Variants in GALNT13 observed in about 807,000 individuals in gnomAD.
The protein encoded by GALNT13 is UDP-GalNAc:polypeptide N-acetylgalactosaminyltransferase 13.
GALNT13 carries 28 observed loss-of-function variants against 64.2 expected under a neutral mutation model. That is an observed-to-expected ratio of 0.44 (90% CI 0.32 to 0.60). The LOEUF is 0.60. Ranked by LOEUF, GALNT13 falls within the 20% of genes least tolerant of loss-of-function variation. The pLI is 0.05. For missense variants in GALNT13, 577 were observed against 669.8 expected (o/e 0.86, Z 1.53); for synonymous variants, 214 against 224.6 (o/e 0.95, Z 0.42).
intron 3 of GALNT13, among the ~76,000 whole-genome samples, chr2:154,112,722 A>G (rs1703056370): frequency 1.3e-5 from 2 of 152,202 alleles, no homozygotes; most frequent in Non-Finnish European, 2.9e-5. Flanking sequence ...GGAATATCCT[A>G]GAAAGAGGCT....
chr2:153,448,960 C>T, the GALNT13 span, among the ~76,000 whole-genome samples: 1 of 152,118 alleles, frequency 6.6e-6, no homozygotes, highest in Non-Finnish European at 1.5e-5. Context: ...ATAAGAGACA[C>T]CAGAGAGCGC....
At chr2:153,300,303 G>A in the GALNT13 span, among the ~76,000 whole-genome samples, 2 of 152,198 alleles carry the variant, frequency 1.3e-5, no homozygotes, top group African/African-American at 2.4e-5. Context: ...CTCCTTTAGA[G>A]GGAGTGTTTT....
the GALNT13 span, among the ~76,000 whole-genome samples, chr2:153,256,717 G>A: frequency 2.6e-5 from 4 of 152,096 alleles, no homozygotes; most frequent in African/African-American, 9.7e-5. Context: ...GGCCGTGTGA[G>A]GTGTCAGTCT....
chr2:153,222,733 C>G, the GALNT13 span, among the ~76,000 whole-genome samples: 5 of 152,188 alleles, frequency 3.3e-5, no homozygotes, highest in African/African-American at 1.2e-4. Flanking sequence ...TCAGCGCTGC[C>G]CGGAACTTGC....
At chr2:153,278,485 G>A in the GALNT13 span, among the ~76,000 whole-genome samples, 1 of 152,070 alleles carries the variant, frequency 6.6e-6, no homozygotes, top group African/African-American at 2.4e-5. Flanking sequence ...CTTATAGTTT[G>A]AGTTCTTACA....
At chr2:154,408,521 G>A (rs542241353) in intron 10 of GALNT13, among the ~76,000 whole-genome samples, 3 of 152,190 alleles carry the variant, frequency 2.0e-5, no homozygotes, top group East Asian at 3.9e-4. Context: ...GGAACATACA[G>A]TAATGAAGCA....
At chr2:153,240,406 G>T in the GALNT13 span, among the ~76,000 whole-genome samples, 3 of 152,084 alleles carry the variant, frequency 2.0e-5, no homozygotes, top group African/African-American at 7.2e-5. Flanking sequence ...AACCCATAGG[G>T]TGGTTACAAA....
the GALNT13 span, chr2:153,423,440 A>T: frequency 1.5e-3 from 222 of 152,058 alleles, no homozygotes; most frequent in African/African-American, 5.1e-3. Context: ...ACATGCCTTT[A>T]AATCGAGAAC....
the GALNT13 span, among the ~76,000 whole-genome samples, chr2:153,739,259 T>G: frequency 2.6e-5 from 4 of 151,812 alleles, no homozygotes; most frequent in Admixed American, 2.6e-4. Flanking sequence ...ACTATTACCA[T>G]CACAAAGAGT....
intron 10 of GALNT13, among the ~76,000 whole-genome samples, chr2:154,396,914 GTATAATA>G (rs1699080203): frequency 6.7e-6 from 1 of 150,122 alleles, no homozygotes; most frequent in African/African-American, 2.4e-5. Context: ...TATAATGTAT[GTATAATA>G]TATAATATAT....
intron 3 of GALNT13, among the ~76,000 whole-genome samples, chr2:154,058,796 A>G (rs1416071460): frequency 2.0e-5 from 3 of 152,326 alleles, no homozygotes; most frequent in Admixed American, 2.0e-4. Context: ...GGGCCTTTTA[A>G]GCTATTATAG....
the GALNT13 span, among the ~76,000 whole-genome samples, chr2:153,777,866 C>G: frequency 0.081 from 12,257 of 152,156 alleles, 1,081 homozygotes; most frequent in African/African-American, 0.21. Flanking sequence ...AGACTTTCTA[C>G]CTTGTTACAA....
At chr2:153,756,987 C>A in the GALNT13 span, among the ~76,000 whole-genome samples, 1 of 151,848 alleles carries the variant, frequency 6.6e-6, no homozygotes, top group Non-Finnish European at 1.5e-5. Context: ...TTTTAAAGAA[C>A]GTTTATTTAT....
At chr2:153,888,465 A>G (rs1432873454) in intron 1 of GALNT13, among the ~76,000 whole-genome samples, 3 of 151,988 alleles carry the variant, frequency 2.0e-5, no homozygotes, top group Non-Finnish European at 2.9e-5. Flanking sequence ...AAGTAAATAA[A>G]TTATTTTTAA....
At chr2:154,180,592 A>G (rs559074124) in intron 4 of GALNT13, among the ~76,000 whole-genome samples, 1 of 152,242 alleles carries the variant, frequency 6.6e-6, no homozygotes, top group African/African-American at 2.4e-5. Context: ...ATCCACAACC[A>G]TGTATAAGAA....
At chr2:153,930,424 T>C (rs182734428) in intron 2 of GALNT13, among the ~76,000 whole-genome samples, 1 of 152,300 alleles carries the variant, frequency 6.6e-6, no homozygotes, top group East Asian at 1.9e-4. Context: ...TCCAGAGTGG[T>C]ATTTCCTAGG....
the GALNT13 span, among the ~76,000 whole-genome samples, chr2:153,853,863 A>G: frequency 6.6e-6 from 1 of 151,768 alleles, no homozygotes; most frequent in Non-Finnish European, 1.5e-5. Context: ...GAATGTAAAT[A>G]GGGTTAGAAA....
intron 3 of GALNT13, among the ~76,000 whole-genome samples, chr2:154,057,317 C>T (rs1699942036): frequency 6.6e-6 from 1 of 152,176 alleles, no homozygotes. Context: ...GTGCGAGCCA[C>T]CACGCCCGGC....
the GALNT13 span, among the ~76,000 whole-genome samples, chr2:153,787,424 C>A: frequency 6.6e-6 from 1 of 152,144 alleles, no homozygotes; most frequent in Non-Finnish European, 1.5e-5. Flanking sequence ...TGTGAAGATT[C>A]AGAAAATAAG....
Sources: gnomAD v4.1 joint callset for allele counts (sites outside exome capture counted in the v4.1 genomes callset) on GRCh38, gnomAD v4.1.1 for gene constraint, MANE v1.5 for transcripts, NCBI Gene and HGNC (gene_info 2026-07-23, HGNC 2026-07-21) for gene names.